The following LRRTM4 variants were observed in gnomAD, a reference collection of about 807,000 sequenced individuals.
LRRTM4 encodes the protein leucine rich repeat transmembrane neuronal 4.
LRRTM4 carries 25 observed loss-of-function variants against 47.6 expected under a neutral mutation model. The observed-to-expected ratio is 0.53, with a 90% CI of 0.38 to 0.73. The LOEUF (loss-of-function observed/expected upper bound fraction) is 0.73, where lower values mean the gene tolerates loss of function less well. Ranked by LOEUF, LRRTM4 falls within the 30% of genes least tolerant of loss-of-function variation. The pLI is 0.00. For synonymous variants in LRRTM4, 311 were observed against 269.5 expected, an observed-to-expected ratio of 1.15 and a Z score of -1.51; for missense variants, 638 against 713.4, an observed-to-expected ratio of 0.89 and a Z score of 1.20.
At chr2:76,837,116 C>G (rs554461731) in intron 3 of LRRTM4, among the ~76,000 whole-genome samples, 4 of 152,050 alleles carry the variant, frequency 2.6e-5, no homozygotes, top group Middle Eastern at 3.4e-3. Flanking sequence ...TCTTGGGAGA[C>G]TGTATGTGTC....
chr2:77,088,411 T>G (rs941705317), intron 3 of LRRTM4, among the ~76,000 whole-genome samples: 1 of 152,144 alleles, frequency 6.6e-6, no homozygotes, highest in Non-Finnish European at 1.5e-5. Context: ...GACATTACCT[T>G]GTGAAAGTCC....
At chr2:77,412,156 T>A (rs1459381669) in intron 3 of LRRTM4, among the ~76,000 whole-genome samples, 1 of 152,166 alleles carries the variant, frequency 6.6e-6, no homozygotes, top group Non-Finnish European at 1.5e-5. Flanking sequence ...TCAACATGAA[T>A]ATCTCCTCAG....
At chr2:76,857,208 C>T (rs1305653530) in intron 3 of LRRTM4, among the ~76,000 whole-genome samples, 1 of 151,050 alleles carries the variant, frequency 6.6e-6, no homozygotes, top group Non-Finnish European at 1.5e-5. Context: ...TGATAATGTA[C>T]TTCTGCTTAA....
intron 3 of LRRTM4, among the ~76,000 whole-genome samples, chr2:77,052,138 CCGTTA>C (rs1679453801): frequency 6.9e-6 from 1 of 144,282 alleles, no homozygotes; most frequent in South Asian, 2.2e-4. Flanking sequence ...AAAAAAAATA[CCGTTA>C]CATTTCCTTT....
chr2:76,871,654 T>A (rs936045034), intron 3 of LRRTM4, among the ~76,000 whole-genome samples: 6 of 152,194 alleles, frequency 3.9e-5, no homozygotes, highest in African/African-American at 1.4e-4. Flanking sequence ...AACTGTCACT[T>A]TGTTCTAACT....
intron 3 of LRRTM4, among the ~76,000 whole-genome samples, chr2:77,180,729 T>C (rs185767412): frequency 1.4e-3 from 220 of 152,274 alleles, no homozygotes; most frequent in African/African-American, 5.1e-3. Flanking sequence ...TCTATGCCAC[T>C]GTACTGTGAA....
chr2:76,774,282 C>G (rs545180943), intron 3 of LRRTM4, among the ~76,000 whole-genome samples: 1 of 151,768 alleles, frequency 6.6e-6, no homozygotes, highest in Non-Finnish European at 1.5e-5. Flanking sequence ...ACTTCTGACT[C>G]CCCGGTTCAA....
At chr2:77,099,941 G>A (rs970212437) in intron 3 of LRRTM4, among the ~76,000 whole-genome samples, 2 of 151,976 alleles carry the variant, frequency 1.3e-5, no homozygotes, top group Admixed American at 6.6e-5. Flanking sequence ...ATAACTTTCT[G>A]GAGTCAAAAA....
intron 3 of LRRTM4, among the ~76,000 whole-genome samples, chr2:77,410,902 C>A (rs540389201): frequency 6.6e-6 from 1 of 152,256 alleles, no homozygotes; most frequent in Non-Finnish European, 1.5e-5. Flanking sequence ...CTATCTTGGG[C>A]TCAATTCCAT....
At chr2:77,407,275 T>C (rs545234421) in intron 3 of LRRTM4, among the ~76,000 whole-genome samples, 9 of 152,072 alleles carry the variant, frequency 5.9e-5, no homozygotes, top group Non-Finnish European at 8.8e-5. Flanking sequence ...ACAAAACTTA[T>C]ATAATCCAAG....
At chr2:77,030,026 T>C (rs1678598565) in intron 3 of LRRTM4, among the ~76,000 whole-genome samples, 1 of 152,246 alleles carries the variant, frequency 6.6e-6, no homozygotes, top group African/African-American at 2.4e-5. Context: ...AACACAATTA[T>C]GATTTAAACT....
intron 3 of LRRTM4, among the ~76,000 whole-genome samples, chr2:77,292,070 A>G (rs1676839225): frequency 6.6e-6 from 1 of 152,042 alleles, no homozygotes; most frequent in African/African-American, 2.4e-5. Context: ...GAAGACATTT[A>G]TGCAGCCAAA....
chr2:76,823,870 C>T (rs1258936949), intron 3 of LRRTM4, among the ~76,000 whole-genome samples: 2 of 151,426 alleles, frequency 1.3e-5, no homozygotes, highest in East Asian at 3.9e-4. Context: ...AAAAATAAAA[C>T]ATAAGAACAT....
chr2:76,920,978 C>T (rs983630131), intron 3 of LRRTM4, among the ~76,000 whole-genome samples: 3 of 152,066 alleles, frequency 2.0e-5, no homozygotes, highest in Non-Finnish European at 4.4e-5. Flanking sequence ...CCCTGTTTCT[C>T]CCATTTTTAT....
chr2:77,011,369 A>G (rs1028682143), intron 3 of LRRTM4, among the ~76,000 whole-genome samples: 1 of 152,066 alleles, frequency 6.6e-6, no homozygotes, highest in East Asian at 1.9e-4. Flanking sequence ...TGGCTATCAC[A>G]TTGGATAGAA....
At position 76,904,655 on chromosome 2, in the gene LRRTM4, A is replaced by G. The variant is rs143690153; in HGVS notation, c.1552-155739T>C. On this transcript the variant is annotated intron_variant, in intron 3 of 3. Coordinates refer to ENST00000409884, the MANE Select transcript of LRRTM4 (RefSeq NM_001134745.3). ...TGAGGAATCTGCATCAATGTTTTAG[A>G]AGCGTGTTGGCACATTGGAAAGAAC... Among the ~76,000 whole-genome samples, 1,362 of 152,310 alleles carry G rather than the reference A, an allele frequency of 8.9e-3. 10 individuals carry two copies. Among genetic ancestry groups the G allele is most frequent in the Non-Finnish European group, 0.012 (839 of 68,020 alleles).
chr2:77,187,260 C>T (rs990153713), intron 3 of LRRTM4, among the ~76,000 whole-genome samples: 11 of 152,102 alleles, frequency 7.2e-5, no homozygotes, highest in Non-Finnish European at 7.4e-5. Context: ...TGTGTTGAAC[C>T]TCGATTTCAG....
At chr2:77,132,331 T>G (rs548852246) in intron 3 of LRRTM4, among the ~76,000 whole-genome samples, 1 of 152,336 alleles carries the variant, frequency 6.6e-6, no homozygotes, top group Admixed American at 6.5e-5. Context: ...TTTTATTCTT[T>G]TTTATGATTA....
intron 3 of LRRTM4, among the ~76,000 whole-genome samples, chr2:77,035,759 A>G (rs1331997580): frequency 2.0e-5 from 3 of 151,780 alleles, no homozygotes; most frequent in South Asian, 2.1e-4. Context: ...GTGCACCACA[A>G]TTTGTTTAGT....
Sources: gnomAD v4.1 joint callset for allele counts (sites outside exome capture counted in the v4.1 genomes callset) on GRCh38, gnomAD v4.1.1 for gene constraint, MANE v1.5 for transcripts, NCBI Gene and HGNC (gene_info 2026-07-23, HGNC 2026-07-21) for gene names.